SEMA5A: variants seen among roughly 807,000 people sequenced by gnomAD.
SEMA5A encodes the protein semaphorin 5A.
A neutral mutation model predicts 135.5 loss-of-function variants in SEMA5A; 55 were observed. The ratio of observed to expected loss-of-function variants is 0.41; its 90% CI spans 0.33 to 0.51. The LOEUF is 0.51. Ranked by LOEUF, SEMA5A falls within the 20% of genes least tolerant of loss-of-function variation. The pLI is 0.37. For synonymous variants in SEMA5A, 580 were observed against 546.5 expected (o/e 1.06, Z -0.85); for missense variants, 1,290 against 1,419.9 (o/e 0.91, Z 1.47).
chr5:9,501,875 G>A (rs561543081), intron 1 of SEMA5A, among the ~76,000 whole-genome samples: 1 of 152,240 alleles, frequency 6.6e-6, no homozygotes, highest in South Asian at 2.1e-4. Context: ...TCATTTTCCT[G>A]TTACAAAATG....
intron 11 of SEMA5A, among the ~76,000 whole-genome samples, chr5:9,185,713 C>G (rs1327148470): frequency 6.6e-6 from 1 of 152,070 alleles, no homozygotes; most frequent in African/African-American, 2.4e-5. Context: ...AGATTATATA[C>G]AATTTAAGGT....
chr5:9,330,617 T>C (rs564574312), intron 4 of SEMA5A, among the ~76,000 whole-genome samples: 85 of 152,208 alleles, frequency 5.6e-4, no homozygotes, highest in African/African-American at 2.0e-3. Flanking sequence ...CTTAAGAACA[T>C]TAATGTTTGG....
At chr5:9,075,626 A>G (rs181004773) in intron 16 of SEMA5A, among the ~76,000 whole-genome samples, 1 of 151,880 alleles carries the variant, frequency 6.6e-6, no homozygotes, top group Admixed American at 6.6e-5. Flanking sequence ...ACTAATGCAT[A>G]GAGACAGAAA....
intron 1 of SEMA5A, among the ~76,000 whole-genome samples, chr5:9,537,972 T>G (rs1277430799): frequency 6.6e-6 from 1 of 152,178 alleles, no homozygotes; most frequent in East Asian, 1.9e-4. Flanking sequence ...AAAGCCACTA[T>G]GTGGAAACCA....
chr5:9,233,323 T>G (rs1747733565), intron 6 of SEMA5A, among the ~76,000 whole-genome samples: 1 of 152,254 alleles, frequency 6.6e-6, no homozygotes, highest in African/African-American at 2.4e-5. Flanking sequence ...GAGAATTGAC[T>G]ATTTGTGTTT....
intron 5 of SEMA5A, among the ~76,000 whole-genome samples, chr5:9,311,991 G>A (rs769910799): frequency 6.6e-6 from 1 of 152,020 alleles, no homozygotes; most frequent in Non-Finnish European, 1.5e-5. Context: ...AATGGATTTG[G>A]AGCTATTTCC....
chr5:9,490,188 T>TA (rs1165685644), intron 1 of SEMA5A, among the ~76,000 whole-genome samples: 5 of 152,094 alleles, frequency 3.3e-5, no homozygotes, highest in Non-Finnish European at 7.4e-5. Context: ...ACTAAAAATT[T>TA]AAAAAAATAG....
At chr5:9,102,823 G>A (rs1739703099) in intron 16 of SEMA5A, among the ~76,000 whole-genome samples, 1 of 152,174 alleles carries the variant, frequency 6.6e-6, no homozygotes, top group Admixed American at 6.5e-5. Context: ...TTAGGCAGAT[G>A]AGGCTATATG....
chr5:9,098,955 A>G (rs1739473727), intron 16 of SEMA5A, among the ~76,000 whole-genome samples: 1 of 152,230 alleles, frequency 6.6e-6, no homozygotes, highest in Non-Finnish European at 1.5e-5. Context: ...CTGTATTTGA[A>G]TTATTGTAGG....
chr5:9,366,438 A>G lies in SEMA5A; in HGVS notation c.124+13385T>C, dbSNP rs572486789. Among the ~76,000 whole-genome samples, 281 of 151,586 alleles carry G rather than the reference A, an allele frequency of 1.9e-3. 2 individuals are homozygous for G. The highest frequency in any genetic ancestry group is 6.5e-3 in the African/African-American group (270 of 41,256). The stretch of plus-strand genomic sequence containing the variant: ...GAGTCTCGCTCTGTCGCCCAGGCTG[A>G]AGTGCAGTGGTGCGATCTCGGCTCA... On this transcript the variant is annotated intron_variant, in intron 3 of 22. Transcript: ENST00000382496.
intron 6 of SEMA5A, among the ~76,000 whole-genome samples, chr5:9,227,319 G>GTAGCACAAATGCTAAATGGCCTTGGAC (rs1426611445): frequency 2.0e-5 from 3 of 152,158 alleles, no homozygotes; most frequent in Admixed American, 6.5e-5. Flanking sequence ...GTATCTGATA[G>GTAGCACAAATGCTAAATGGCCTTGGAC]TAGCACAAAT....
chr5:9,129,082 T>A (rs1741267522), intron 13 of SEMA5A, among the ~76,000 whole-genome samples: 1 of 152,236 alleles, frequency 6.6e-6, no homozygotes, highest in African/African-American at 2.4e-5. Flanking sequence ...AGAGATGCTA[T>A]AAATGTTCTC....
chr5:9,515,190 G>A (rs541774421), intron 1 of SEMA5A, among the ~76,000 whole-genome samples: 1 of 152,272 alleles, frequency 6.6e-6, no homozygotes, highest in South Asian at 2.1e-4. Context: ...AGTGGCTGAC[G>A]GAGCTGTGAC....
intron 3 of SEMA5A, among the ~76,000 whole-genome samples, chr5:9,364,055 T>C (rs902232989): frequency 1.3e-5 from 2 of 152,156 alleles, no homozygotes; most frequent in Admixed American, 1.3e-4. Context: ...CTTAAATAAG[T>C]ATAGTAATGA....
chr5:9,048,507 T>A (rs1362112127), intron 21 of SEMA5A, among the ~76,000 whole-genome samples: 2 of 152,150 alleles, frequency 1.3e-5, no homozygotes, highest in African/African-American at 4.8e-5. Context: ...GGAAGACCCT[T>A]AGCATCTTCA....
intron 1 of SEMA5A, among the ~76,000 whole-genome samples, chr5:9,505,267 C>A (rs1735814141): frequency 6.6e-6 from 1 of 152,108 alleles, no homozygotes; most frequent in African/African-American, 2.4e-5. Context: ...TTCTAGAAGG[C>A]AAAAGGCAAA....
At chr5:9,238,981 AT>A (rs1169312729) in intron 5 of SEMA5A, among the ~76,000 whole-genome samples, 1 of 152,122 alleles carries the variant, frequency 6.6e-6, no homozygotes, top group African/African-American at 2.4e-5. Context: ...CTTCACCCTT[AT>A]TTTTTAGTAA....
chr5:9,368,291 C>T (rs1241495703), intron 3 of SEMA5A, among the ~76,000 whole-genome samples: 1 of 152,132 alleles, frequency 6.6e-6, no homozygotes. Context: ...GGCATTGTAT[C>T]CTAACAAACT....
At chr5:9,103,628 T>C (rs926580477) in intron 16 of SEMA5A, among the ~76,000 whole-genome samples, 3 of 152,200 alleles carry the variant, frequency 2.0e-5, no homozygotes, top group Non-Finnish European at 2.9e-5. Context: ...GTAAGAAATA[T>C]AGTGCTGCCA....
Sources: gnomAD v4.1 joint callset for allele counts (sites outside exome capture counted in the v4.1 genomes callset) on GRCh38, gnomAD v4.1.1 for gene constraint, MANE v1.5 for transcripts, NCBI Gene and HGNC (gene_info 2026-07-23, HGNC 2026-07-21) for gene names.